ABCA6: variants seen among roughly 807,000 people sequenced by gnomAD.
The protein encoded by ABCA6 is ATP binding cassette subfamily A member 6.
In ABCA6, 164 loss-of-function variants were observed where a neutral mutation model predicts 191.2. The ratio of observed to expected loss-of-function variants is 0.86; its 90% CI spans 0.76 to 0.98. The LOEUF (loss-of-function observed/expected upper bound fraction) is 0.98, where lower values mean the gene tolerates loss of function less well. Ranked by LOEUF, ABCA6 falls within the 50% of genes least tolerant of loss-of-function variation. The probability of loss-of-function intolerance (pLI) is 0.00; values close to 1 mark genes in which losing one functional copy is unlikely to be tolerated. For synonymous variants in ABCA6, 636 were observed against 647.7 expected, an observed-to-expected ratio of 0.98 and a Z score of 0.27; for missense variants, 1,958 against 1,894.1, an observed-to-expected ratio of 1.03 and a Z score of -0.63.
chr17:69,126,280 T>C (rs552884616), intron 8 of ABCA6, among the ~76,000 whole-genome samples: 5 of 152,166 alleles, frequency 3.3e-5, no homozygotes, highest in Non-Finnish European at 5.9e-5. Flanking sequence ...ACATAGATGC[T>C]ATTTATAACA....
intron 8 of ABCA6, among the ~76,000 whole-genome samples, chr17:69,127,692 C>T (rs975034655): frequency 2.0e-5 from 3 of 152,014 alleles, no homozygotes; most frequent in Non-Finnish European, 4.4e-5. Context: ...TTGATGCAAC[C>T]ACTTTGGGAA....
At position 69,134,647 on chromosome 17, in the gene ABCA6, T is replaced by C; in HGVS notation, c.556A>G (p.Ile186Val). 1.2e-6 allele frequency: 2 copies of C among 1,610,634 alleles called. No individual in the cohort carries two copies. The highest frequency in any genetic ancestry group is 1.7e-6 in the Non-Finnish European group (2 of 1,178,174). Residue 186 changes from isoleucine to valine, a missense_variant, in exon 5 of 39, where the codon ATT becomes GTT. Physicochemically the swap from Ile to Val is conservative, Grantham distance 29. Transcript: ENST00000284425. ...VALQTAINTA[I>V]IEITTNHPVM... ...TTCAATCAAGCACTTACTTCTATAA[T>C]GGCAGTATTAATAGCTGTTTGTAAA... is the stretch of plus-strand genomic sequence containing the variant.
In ABCA6 at chr17:69,091,191, T is replaced by C. The variant is rs2072914039; in HGVS notation, c.3480A>G (p.Val1160=). The C allele has an allele frequency of 1.2e-6, 2 of 1,611,960 alleles. No homozygotes were observed. The highest frequency in any genetic ancestry group is 2.7e-5 in the African/African-American group (2 of 74,988). Residue 1160 remains valine (V), a synonymous_variant, in exon 26 of 39, where the codon GTA becomes GTG. Coordinates refer to ENST00000284425, the MANE Select transcript of ABCA6 (RefSeq NM_080284.3). ...CAAGCAAGGTATATGAAGGAACCAA[T>C]ACCATGGTGGTAATCAATATACTTA... The part of the protein sequence containing the change: ...FDLSILITTM[V]LVPSYTLLGF...
At chr17:69,134,550 G>T in intron 5 of ABCA6, 89 bp downstream of exon 5, 1 of 912,854 alleles carries the variant, frequency 1.1e-6, no homozygotes. Flanking sequence ...CAGTACAAAC[G>T]GACTAAGACA....
At chr17:69,115,545 C>A in intron 11 of ABCA6, 59 bp from the exon 12 acceptor site, 1 of 1,260,600 alleles carries the variant, frequency 7.9e-7, no homozygotes, top group Non-Finnish European at 1.1e-6. Context: ...AGGCATTAGA[C>A]AGGCCTGGTC....
chr17:69,122,980 A>G (rs1490960838), intron 10 of ABCA6, among the ~76,000 whole-genome samples: 2 of 141,014 alleles, frequency 1.4e-5, no homozygotes, highest in African/African-American at 2.6e-5. Flanking sequence ...ACATGGACAC[A>G]GGAAGGGGAA....
chr17:69,129,919 G>T (rs112880065), intron 6 of ABCA6, among the ~76,000 whole-genome samples, 168 bp from the exon 7 acceptor site: 65 of 151,894 alleles, frequency 4.3e-4, no homozygotes, highest in Middle Eastern at 3.4e-3. Context: ...TTTTTCAATC[G>T]CAATTCTCCT....
At chr17:69,089,845 T>A (rs949341109) in intron 26 of ABCA6, among the ~76,000 whole-genome samples, 4 of 152,176 alleles carry the variant, frequency 2.6e-5, no homozygotes, top group African/African-American at 9.6e-5. Flanking sequence ...ACTGAAACAG[T>A]AATATGCTAT....
chr17:69,091,308 T>C (rs755624255), intron 25 of ABCA6, 46 bp from the exon 26 acceptor site: 2 of 1,593,032 alleles, frequency 1.3e-6, no homozygotes, highest in South Asian at 2.3e-5. Context: ...ACTCAACCCA[T>C]TGATATTTTG....
intron 7 of ABCA6, 117 bp downstream of exon 7, chr17:69,129,493 T>G: frequency 7.1e-6 from 6 of 844,356 alleles, no homozygotes; most frequent in Admixed American, 2.5e-5. Flanking sequence ...GACACACACA[T>G]GCACACACAC....
At position 69,136,124 on chromosome 17, in the gene ABCA6, T is replaced by C. The variant is rs2073943620; in HGVS notation, c.428A>G (p.Tyr143Cys). The change falls in exon 4 of 39, where the codon TAT (tyrosine) becomes TGT (cysteine). Residue 143 changes from tyrosine to cysteine, a missense_variant. Physicochemically the swap from Tyr to Cys is radical, Grantham distance 194 (BLOSUM62 -2). Coordinates refer to ENST00000284425, the MANE Select transcript of ABCA6 (RefSeq NM_080284.3). ...ATCTTCTTTCCAAAGTGGACTGTTA[T>C]ATCCCTGGAAAAATATTAACTTATA... ...FSYKLIFFQG[Y>C]NSPLWKEDFS... 1.2e-6 allele frequency: 2 copies of C among 1,610,348 alleles called. No individual in the cohort carries two copies. Among genetic ancestry groups the C allele is most frequent in the African/African-American group, 1.3e-5 (1 of 74,898 alleles).
chr17:69,102,151 G>C (rs2073195486), intron 21 of ABCA6, among the ~76,000 whole-genome samples: 1 of 152,104 alleles, frequency 6.6e-6, no homozygotes, highest in African/African-American at 2.4e-5. Flanking sequence ...TTCCAGACCA[G>C]CCTGGCCAAC....
chr17:69,115,583 A>G (rs2073523315), intron 11 of ABCA6, 97 bp from the exon 12 acceptor site: 2 of 748,720 alleles, frequency 2.7e-6, no homozygotes, highest in Middle Eastern at 2.5e-4. Flanking sequence ...TATTTAGTTT[A>G]GTGGCATATT....
Position 69,124,922 on chromosome 17 carries a change from CA to C in ABCA6, c.1232del (p.Leu411CysfsTer25). On this transcript the variant is annotated frameshift_variant, in exon 9 of 39. Coordinates refer to ENST00000284425, the MANE Select transcript of ABCA6 (RefSeq NM_080284.3). LOFTEE classifies it high-confidence loss of function. ...SMLLLDGLIY[L>X]LLALYFDKIL... ...TTTTGTCAAAGTATAATGCCAATAG[CA>C]AGTAGATGAGACCATCCAAAAGCAA... 6.4e-7 allele frequency: 1 copy of C among 1,573,778 alleles called. No homozygotes were observed. Among genetic ancestry groups the C allele is most frequent in the Non-Finnish European group, 8.6e-7 (1 of 1,160,654 alleles).
At chr17:69,140,315 T>G (rs1181889629) in intron 2 of ABCA6, among the ~76,000 whole-genome samples, 1 of 151,922 alleles carries the variant, frequency 6.6e-6, no homozygotes, top group Non-Finnish European at 1.5e-5. Flanking sequence ...CTGACAACAT[T>G]TTTTTTGTAC....
In ABCA6 at chr17:69,140,748, C is replaced by T; in HGVS notation, c.-45G>A. 1 of 1,328,494 alleles carries T rather than the reference C, an allele frequency of 7.5e-7. No individual in the cohort carries two copies. The allele number at this position is 1,328,494 out of a possible 1,614,324, so 82.3% of individuals were successfully genotyped here. ...AGAAAGTAATCATGGTGGAACACAA[C>T]CTAGAAAAAAATAAGTGTAATAAGA... is the stretch of plus-strand genomic sequence containing the variant. On this transcript the variant is annotated splice_region_variant and 5_prime_UTR_variant, in exon 2 of 39. Transcript: ENST00000284425.
Position 69,085,008 on chromosome 17 carries a change from A to T in ABCA6, c.4184+20T>A. On this transcript the variant is annotated intron_variant, in intron 32 of 38. Coordinates refer to ENST00000284425, the MANE Select transcript of ABCA6 (RefSeq NM_080284.3). The stretch of plus-strand genomic sequence containing the variant: ...TCTCCCTGCATTCTGACACAAAGGA[A>T]TCGCAGGTCCCGTCTGTACCTTGCG... 6.4e-7 allele frequency: 1 copy of T among 1,574,096 alleles called. No homozygotes were observed. The highest frequency in any genetic ancestry group is 8.6e-7 in the Non-Finnish European group (1 of 1,164,246).
At chr17:69,080,997 T>C in intron 37 of ABCA6, 69 bp downstream of exon 37, 1 of 990,214 alleles carries the variant, frequency 1.0e-6, no homozygotes, top group Non-Finnish European at 1.5e-6. Flanking sequence ...CACAATTAGC[T>C]TCCATTAAAT....
rs1598069013 is a variant in ABCA6, at chr17:69,137,513, T to C, written c.97-13A>G. The C allele has an allele frequency of 6.3e-7, 1 of 1,597,618 alleles. No individual in the cohort carries two copies. Among genetic ancestry groups the C allele is most frequent in the East Asian group, 2.2e-5 (1 of 44,640 alleles). ...AGAGGCCCCATTCCTGTAATGCATA[T>C]AAAAAGAAAAATAATGAATTAAGGT... On this transcript the variant is annotated splice_polypyrimidine_tract_variant and intron_variant, in intron 2 of 38. Coordinates refer to ENST00000284425, the MANE Select transcript of ABCA6 (RefSeq NM_080284.3).
Sources: allele counts gnomAD v4.1 joint callset (sites outside exome capture counted in the v4.1 genomes callset), GRCh38; gene constraint gnomAD v4.1.1; transcripts MANE v1.5; gene names NCBI Gene and HGNC (gene_info 2026-07-23, HGNC 2026-07-21).